Variants in PDE8B observed in about 807,000 individuals in gnomAD.
The protein encoded by PDE8B is high affinity cAMP-specific and IBMX-insensitive 3',5'-cyclic phosphodiesterase 8B.
PDE8B carries 26 observed loss-of-function variants against 101.3 expected under a neutral mutation model. That is an observed-to-expected ratio of 0.26 (90% confidence interval 0.19 to 0.36). The LOEUF is 0.36. Among genes scored for constraint, PDE8B ranks in the 10% least tolerant of loss-of-function variants. The pLI is 1.00. For synonymous variants in PDE8B, 424 were observed against 429.3 expected (o/e 0.99, Z 0.15); for missense variants, 810 against 1,163.1 (o/e 0.70, Z 4.42).
intron 5 of PDE8B, among the ~76,000 whole-genome samples, chr5:77,332,781 G>A (rs1423624048): frequency 1.1e-4 from 16 of 150,242 alleles, no homozygotes; most frequent in African/African-American, 3.9e-4. Context: ...AGGTTGCGGT[G>A]AGCCAAGATT....
the PDE8B span, among the ~76,000 whole-genome samples, chr5:77,136,873 G>T: frequency 6.6e-6 from 1 of 152,198 alleles, no homozygotes; most frequent in African/African-American, 2.4e-5. Flanking sequence ...TGTAAGGAAG[G>T]GTTTTCATCA....
the PDE8B span, among the ~76,000 whole-genome samples, chr5:77,183,122 TATTATTA>T: frequency 6.1e-5 from 8 of 130,372 alleles, no homozygotes; most frequent in East Asian, 6.3e-4. Flanking sequence ...TTATTATTAT[TATTATTA>T]ATTATTTTGA....
the PDE8B span, among the ~76,000 whole-genome samples, chr5:77,148,710 A>T: frequency 6.6e-6 from 1 of 152,200 alleles, no homozygotes; most frequent in Non-Finnish European, 1.5e-5. Flanking sequence ...TCTTCTGCCC[A>T]TTTAAAAATC....
chr5:77,318,436 TG>T (rs1042236956), intron 2 of PDE8B, among the ~76,000 whole-genome samples: 1 of 152,192 alleles, frequency 6.6e-6, no homozygotes, highest in Non-Finnish European at 1.5e-5. Flanking sequence ...ACAAAGGCCC[TG>T]GGGTCAGGCC....
intron 1 of PDE8B, among the ~76,000 whole-genome samples, chr5:77,261,305 A>G (rs1760528717): frequency 6.6e-6 from 1 of 152,166 alleles, no homozygotes; most frequent in Admixed American, 6.5e-5. Context: ...GACAGTCACA[A>G]GGAGCAGCTC....
At chr5:77,207,605 A>G (rs1277477595), upstream of PDE8B, among the ~76,000 whole-genome samples, 1 of 151,922 alleles carries the variant, frequency 6.6e-6, no homozygotes. Context: ...ACAGTGTCTG[A>G]GCTTGTAGTC....
At chr5:77,400,627 T>C (rs1260672230) in intron 11 of PDE8B, among the ~76,000 whole-genome samples, 1 of 152,180 alleles carries the variant, frequency 6.6e-6, no homozygotes, top group Non-Finnish European at 1.5e-5. Flanking sequence ...GGTGACAATA[T>C]GGTAGTTGCT....
chr5:77,158,081 T>C, the PDE8B span, among the ~76,000 whole-genome samples: 3 of 152,224 alleles, frequency 2.0e-5, no homozygotes, highest in African/African-American at 7.2e-5. Context: ...TAGAGGCAGA[T>C]AACTTGTCCT....
At chr5:77,313,717 A>G (rs1005665403) in intron 2 of PDE8B, among the ~76,000 whole-genome samples, 3 of 152,204 alleles carry the variant, frequency 2.0e-5, no homozygotes, top group Admixed American at 2.0e-4. Flanking sequence ...AATATTAATG[A>G]TATGTCTTAT....
chr5:77,223,817 T>C (rs1241034115), intron 1 of PDE8B, among the ~76,000 whole-genome samples: 2 of 152,228 alleles, frequency 1.3e-5, no homozygotes, highest in African/African-American at 4.8e-5. Flanking sequence ...TGGCCCCTGC[T>C]AAGTGGCAGT....
At chr5:77,357,542 A>C (rs1327264523) in intron 10 of PDE8B, among the ~76,000 whole-genome samples, 1 of 152,164 alleles carries the variant, frequency 6.6e-6, no homozygotes, top group African/African-American at 2.4e-5. Flanking sequence ...CACAGTTCTC[A>C]CCAGGATCTA....
chr5:77,369,748 CCCTGTGGTG>C (rs1187643491), intron 10 of PDE8B, among the ~76,000 whole-genome samples: 2 of 152,240 alleles, frequency 1.3e-5, no homozygotes, highest in African/African-American at 4.8e-5. Context: ...CACAGCCCTT[CCCTGTGGTG>C]CCTTTGAACA....
the PDE8B span, among the ~76,000 whole-genome samples, chr5:77,130,634 A>T: frequency 6.6e-6 from 1 of 151,946 alleles, no homozygotes; most frequent in Non-Finnish European, 1.5e-5. Flanking sequence ...TATATGACAC[A>T]TACACCTTAT....
chr5:77,149,247 T>C, the PDE8B span, among the ~76,000 whole-genome samples: 1 of 152,236 alleles, frequency 6.6e-6, no homozygotes, highest in African/African-American at 2.4e-5. Context: ...TATGCTTACA[T>C]CAATATCACA....
chr5:77,248,112 A>G (rs1003955925), intron 1 of PDE8B, among the ~76,000 whole-genome samples: 2 of 152,248 alleles, frequency 1.3e-5, no homozygotes, highest in Non-Finnish European at 2.9e-5. Flanking sequence ...CCAAAGTTAC[A>G]GTCACAAACC....
intron 10 of PDE8B, among the ~76,000 whole-genome samples, chr5:77,393,874 A>G (rs1221800172): frequency 1.5e-5 from 2 of 137,334 alleles, no homozygotes; most frequent in African/African-American, 3.6e-5. Context: ...CTTGTAAGGA[A>G]CCATTTAGAC....
At chr5:77,136,591 C>G in the PDE8B span, among the ~76,000 whole-genome samples, 2 of 152,116 alleles carry the variant, frequency 1.3e-5, no homozygotes, top group East Asian at 3.9e-4. Context: ...AAACTGTCAC[C>G]CTCCTTGGTT....
At chr5:77,092,424 G>A in the PDE8B span, 2 of 151,842 alleles carry the variant, frequency 1.3e-5, no homozygotes, top group Non-Finnish European at 1.5e-5. Flanking sequence ...TTGCTTTCTT[G>A]GTAGTGGCAG....
the PDE8B span, among the ~76,000 whole-genome samples, chr5:77,143,486 T>G: frequency 1.3e-5 from 2 of 152,210 alleles, no homozygotes; most frequent in South Asian, 2.1e-4. Context: ...ATTCTTAATC[T>G]ATAGCCAATA....
Sources: gnomAD v4.1 joint callset for allele counts (sites outside exome capture counted in the v4.1 genomes callset) on GRCh38, gnomAD v4.1.1 for gene constraint, MANE v1.5 for transcripts, NCBI Gene and HGNC (gene_info 2026-07-23, HGNC 2026-07-21) for gene names.